Variants in MGAT4C observed in about 807,000 individuals in gnomAD.
The protein encoded by MGAT4C is MGAT4 family member C, also known as alpha-1,3-mannosyl-glycoprotein 4-beta-N-acetylglucosaminyltransferase C.
In MGAT4C, 19 loss-of-function variants were observed where a neutral mutation model predicts 40.1. The ratio of observed to expected loss-of-function variants is 0.47; its 90% CI spans 0.33 to 0.70. MGAT4C has a LOEUF of 0.70. MGAT4C is among the 30% of genes least tolerant of loss of function. The pLI, the probability that MGAT4C is intolerant of heterozygous loss-of-function variation, is 0.02. For missense variants in MGAT4C, 491 were observed against 563.2 expected, an observed-to-expected ratio of 0.87 and a Z score of 1.30; for synonymous variants, 181 against 187.1, an observed-to-expected ratio of 0.97 and a Z score of 0.27.
intron 2 of MGAT4C, among the ~76,000 whole-genome samples, chr12:86,487,444 G>C (rs963299244): frequency 1.3e-5 from 2 of 152,038 alleles, no homozygotes; most frequent in South Asian, 4.1e-4. Context: ...TTTCTTATTC[G>C]TAAGTTTTGG....
chr12:86,420,874 C>G, intron 3 of MGAT4C, among the ~76,000 whole-genome samples: 1 of 144,910 alleles, frequency 6.9e-6, no homozygotes, highest in Non-Finnish European at 1.5e-5. Context: ...TATATATATA[C>G]ATACATGTAT....
intron 1 of MGAT4C, among the ~76,000 whole-genome samples, chr12:86,251,452 C>T (rs1006941380): frequency 1.3e-5 from 2 of 151,956 alleles, no homozygotes; most frequent in East Asian, 1.9e-4. Context: ...TTACATGCAA[C>T]AAGTGCACGC....
intron 1 of MGAT4C, among the ~76,000 whole-genome samples, chr12:86,820,517 C>A (rs1363746586): frequency 1.3e-5 from 2 of 150,792 alleles, no homozygotes; most frequent in Non-Finnish European, 3.0e-5. Context: ...TAGTAAATTC[C>A]AACCTAATAA....
At chr12:86,771,688 G>A (rs61949594) in intron 1 of MGAT4C, among the ~76,000 whole-genome samples, 16 of 5,102 alleles carry the variant, frequency 3.1e-3, no homozygotes, top group South Asian at 0.071. Context: ...AAATATATAT[G>A]TGTGTGTGTG....
chr12:86,472,551 C>T (rs1249505397), intron 2 of MGAT4C, among the ~76,000 whole-genome samples: 1 of 151,936 alleles, frequency 6.6e-6, no homozygotes, highest in Non-Finnish European at 1.5e-5. Flanking sequence ...TATTTTCATC[C>T]ATCTATATAT....
intron 1 of MGAT4C, among the ~76,000 whole-genome samples, chr12:86,236,803 A>G (rs1951571289): frequency 6.6e-6 from 1 of 151,986 alleles, no homozygotes; most frequent in Non-Finnish European, 1.5e-5. Flanking sequence ...GAAATAATTT[A>G]ATATGAGCAA....
At chr12:85,989,651 T>G in intron 2 of MGAT4C, 99 bp from the exon 3 acceptor site, 1 of 1,130,182 alleles carries the variant, frequency 8.8e-7, no homozygotes, top group Non-Finnish European at 1.2e-6. Flanking sequence ...ATTTCATCTT[T>G]CAAATGTTTG....
chr12:86,826,076 T>G (rs1275831589), intron 1 of MGAT4C, among the ~76,000 whole-genome samples: 1 of 151,362 alleles, frequency 6.6e-6, no homozygotes, highest in Non-Finnish European at 1.5e-5. Flanking sequence ...AACAAGCTCC[T>G]CACATTATTA....
At chr12:86,076,863 C>T (rs1869829879) in intron 1 of MGAT4C, among the ~76,000 whole-genome samples, 1 of 152,028 alleles carries the variant, frequency 6.6e-6, no homozygotes, top group South Asian at 2.1e-4. Flanking sequence ...ACACAATAAG[C>T]CATCTGCAGG....
chr12:86,178,152 G>A (rs1480020101), intron 1 of MGAT4C, among the ~76,000 whole-genome samples: 3 of 152,150 alleles, frequency 2.0e-5, no homozygotes, highest in Non-Finnish European at 1.5e-5. Flanking sequence ...TAGCCAGGAT[G>A]GTCTTGATCT....
intron 1 of MGAT4C, among the ~76,000 whole-genome samples, chr12:86,092,111 T>C (rs1475636332): frequency 1.3e-5 from 2 of 152,120 alleles, no homozygotes; most frequent in Non-Finnish European, 2.9e-5. Flanking sequence ...AAATGTCAAG[T>C]GACCTTTTGT....
rs1192943440 is a variant in MGAT4C at position 86,038,407 on chromosome 12, T to C, written c.-7+11267A>G. Among the ~76,000 whole-genome samples the C allele has an allele frequency of 1.1e-4, 16 of 149,852 alleles. 1 individual carries two copies. The highest frequency in any genetic ancestry group is 2.4e-4 in the Non-Finnish European group (16 of 66,842). The stretch of plus-strand genomic sequence containing the variant: ...TCTTTGTAGGTCTCTAAGAACTTGT[T>C]TCATGAATCTGTGTGCTCCTGTATT... On this transcript the variant is annotated intron_variant, in intron 2 of 4. Transcript: ENST00000611864.
At chr12:86,377,560 C>A (rs368804506) in intron 3 of MGAT4C, among the ~76,000 whole-genome samples, 2 of 152,116 alleles carry the variant, frequency 1.3e-5, no homozygotes, top group East Asian at 3.8e-4. Context: ...TAATGACTTG[C>A]GCTCTTAACG....
intron 2 of MGAT4C, among the ~76,000 whole-genome samples, chr12:86,040,473 C>G (rs1891694047): frequency 6.6e-6 from 1 of 152,184 alleles, no homozygotes; most frequent in Non-Finnish European, 1.5e-5. Flanking sequence ...CTGCAGTGGC[C>G]TTGCTGAGCT....
At chr12:86,427,050 A>C (rs2136263823) in intron 3 of MGAT4C, among the ~76,000 whole-genome samples, 1 of 152,276 alleles carries the variant, frequency 6.6e-6, no homozygotes, top group East Asian at 1.9e-4. Context: ...ATGCCTTATT[A>C]ATGTCAGCTA....
chr12:86,127,708 G>A (rs1052766693), intron 1 of MGAT4C, among the ~76,000 whole-genome samples: 4 of 151,524 alleles, frequency 2.6e-5, no homozygotes, highest in Admixed American at 2.0e-4. Flanking sequence ...TTTTTGCTCT[G>A]TAAACATTTT....
intron 1 of MGAT4C, among the ~76,000 whole-genome samples, chr12:86,810,390 A>G (rs1040359854): frequency 5.3e-5 from 8 of 152,080 alleles, no homozygotes; most frequent in Middle Eastern, 3.4e-3. Flanking sequence ...TAGGGTGAAC[A>G]GATATACTTT....
At chr12:85,991,635 G>T (rs1039436753) in intron 2 of MGAT4C, among the ~76,000 whole-genome samples, 3 of 152,164 alleles carry the variant, frequency 2.0e-5, no homozygotes, top group Admixed American at 2.0e-4. Context: ...ATGACAAGCA[G>T]CTGGCATGTC....
At chr12:86,200,782 T>C (rs1204357614) in intron 1 of MGAT4C, among the ~76,000 whole-genome samples, 1 of 152,172 alleles carries the variant, frequency 6.6e-6, no homozygotes, top group Non-Finnish European at 1.5e-5. Context: ...CCAATGTGAC[T>C]GTATTTAGAA....
Sources: allele counts gnomAD v4.1 joint callset (sites outside exome capture counted in the v4.1 genomes callset), GRCh38; gene constraint gnomAD v4.1.1; transcripts MANE v1.5; gene names NCBI Gene and HGNC (gene_info 2026-07-23, HGNC 2026-07-21).